The following IFT172 variants were observed in gnomAD, a reference collection of about 807,000 sequenced individuals.
IFT172 encodes the protein intraflagellar transport protein 172 homolog.
IFT172 carries 164 observed loss-of-function variants against 248.9 expected under a neutral mutation model. That is an observed-to-expected ratio of 0.66 (90% confidence interval 0.58 to 0.75). The LOEUF is 0.75. Ranked by LOEUF, IFT172 falls within the 30% of genes least tolerant of loss-of-function variation. The pLI is 0.00. For missense variants in IFT172, 1,950 were observed against 2,192.4 expected, an observed-to-expected ratio of 0.89 and a Z score of 2.21; for synonymous variants, 729 against 791.6, an observed-to-expected ratio of 0.92 and a Z score of 1.33.
At chr2:27,477,347 T>C in intron 12 of IFT172, 27 bp from the exon 13 acceptor site, 1 of 1,589,622 alleles carries the variant, frequency 6.3e-7, no homozygotes, top group Non-Finnish European at 8.6e-7. Context: ...TGTTATACGG[T>C]GGAAAGGCTA....
chr2:27,485,078 G>A lies in IFT172; in HGVS notation c.236C>T (p.Thr79Ile), dbSNP rs1482208473. 4.3e-6 allele frequency: 7 copies of A among 1,610,672 alleles called. No individual in the cohort carries two copies. Among genetic ancestry groups the A allele is most frequent in the Non-Finnish European group, 2.5e-6 (3 of 1,177,628 alleles). ...VKGMAFSPDSTKIAIGQTDNI... is the reference protein window; with the variant it reads ...VKGMAFSPDSIKIAIGQTDNI... ...GTCAGTCTGTCCTATGGCAATTTTA[G>A]TGGAATCAGGAGAAAAAGCCATGCC... The change falls in exon 3 of 48, where the codon ACT becomes ATT. Residue 79 changes from threonine to isoleucine, a missense_variant. Around this residue, in one of 3 missense-constraint regions of IFT172, gnomAD observed 1,166 missense variants for 1,254.1 expected, o/e 0.93. Coordinates refer to ENST00000260570, the MANE Select transcript of IFT172 (RefSeq NM_015662.3).
At chr2:27,458,373 C>A (rs1666346711) in intron 26 of IFT172, 150 bp from the exon 27 acceptor site, 9 of 682,792 alleles carry the variant, frequency 1.3e-5, no homozygotes, top group South Asian at 1.0e-4. Context: ...TGGGGAATTC[C>A]AAGTCCATAA....
intron 26 of IFT172, among the ~76,000 whole-genome samples, chr2:27,458,432 C>T (rs1425709234): frequency 4.6e-5 from 7 of 152,204 alleles, no homozygotes; most frequent in Non-Finnish European, 1.0e-4. Flanking sequence ...GTCTGCGATG[C>T]CTTGGCTGGG....
chr2:27,472,455 G>A, intron 14 of IFT172, 93 bp from the exon 15 acceptor site: 1 of 939,360 alleles, frequency 1.1e-6, no homozygotes, highest in African/African-American at 1.6e-5. Context: ...TGCCTAGGAA[G>A]CTAGGTCTCT....
At chr2:27,462,963 G>T in intron 19 of IFT172, 134 bp downstream of exon 19, 1 of 1,168,702 alleles carries the variant, frequency 8.6e-7, no homozygotes, top group Non-Finnish European at 1.2e-6. Flanking sequence ...GAAATGGTCT[G>T]ACTTGAGGGT....
chr2:27,461,637 C>G (rs974726563), intron 21 of IFT172, 120 bp from the exon 22 acceptor site: 213 of 1,506,322 alleles, frequency 1.4e-4, no homozygotes, highest in Non-Finnish European at 1.9e-4. Flanking sequence ...ATCCTAACTC[C>G]TCACCACATC....
In IFT172 at chr2:27,461,246, C is replaced by T. The variant is rs758036328; in HGVS notation, c.2442+23G>A. 2.5e-6 allele frequency: 4 copies of T among 1,613,390 alleles called. No homozygotes were observed. The South Asian group carries it at 4.4e-5, about 18-fold the overall frequency. On this transcript the variant is annotated intron_variant, in intron 22 of 47. Coordinates refer to ENST00000260570, the MANE Select transcript of IFT172 (RefSeq NM_015662.3). ...GGGTCCTGAGCTCTGGAGATAAGGG[C>T]TAGGAAAAGGAAGCCAGCATACCCT...
chr2:27,485,245 G>C, intron 2 of IFT172, 115 bp from the exon 3 acceptor site: 2 of 1,534,370 alleles, frequency 1.3e-6, no homozygotes, highest in Non-Finnish European at 1.8e-6. Context: ...TTTATACTGA[G>C]AAAAAGGTGG....
In IFT172 at chr2:27,454,567, C is replaced by A; in HGVS notation, c.3465G>T (p.Glu1155Asp). The A allele has an allele frequency of 6.2e-7, 1 of 1,614,022 alleles. No individual in the cohort carries two copies. ...HLKYAMFLED[E>D]GKFEEAEAEF... ...GTCGGGGTCCAAATCACACCCATAC[C>A]TCATCCTCCAGGAACATAGCATATT... The change falls in exon 31 of 48, where the codon GAG becomes GAT. Residue 1155 changes from glutamate (E) to aspartate (D), a missense_variant and splice_region_variant. Around this residue, in one of 3 missense-constraint regions of IFT172, gnomAD observed 164 missense variants for 239.3 expected, o/e 0.69. Transcript: ENST00000260570. The surrounding 1 kb of genome is among the most constrained non-coding windows in gnomAD (Gnocchi z 4.2).
chr2:27,458,032 T>C (rs1381405912), intron 27 of IFT172, 56 bp from the exon 28 acceptor site: 10 of 1,613,248 alleles, frequency 6.2e-6, no homozygotes, highest in African/African-American at 5.3e-5. Context: ...TATCACTGCC[T>C]TCTGGGCAGA....
chr2:27,453,750 T>TA lies in IFT172; in HGVS notation c.3712-12_3712-11insT. ...CCATAATCCAGCCTCCTGCTCAGATTTCCAGGTATCAAGAGGGCAGAGGCA... is the reference window on the plus strand; with the variant it reads ...CCATAATCCAGCCTCCTGCTCAGATTATCCAGGTATCAAGAGGGCAGAGGCA... On this transcript the variant is annotated splice_polypyrimidine_tract_variant and intron_variant, in intron 33 of 47. Coordinates refer to ENST00000260570, the MANE Select transcript of IFT172 (RefSeq NM_015662.3). 6.2e-7 allele frequency: 1 copy of TA among 1,609,146 alleles called. No individual in the cohort carries two copies. Among genetic ancestry groups the TA allele is most frequent in the Non-Finnish European group, 8.5e-7 (1 of 1,178,502 alleles).
Position 27,461,433 on chromosome 2 carries a change from G to A in IFT172, c.2278C>T (p.Gln760Ter). The A allele has an allele frequency of 1.2e-6, 2 of 1,614,156 alleles. No individual in the cohort carries two copies. Among genetic ancestry groups the A allele is most frequent in the Non-Finnish European group, 1.7e-6 (2 of 1,180,010 alleles). Residue 760 changes from glutamine to a stop codon, truncating the protein, a stop_gained, in exon 22 of 48, where the codon CAG (glutamine) becomes TAG (stop). Transcript: ENST00000260570. LOFTEE classifies it high-confidence loss of function. ...TQQEERAGEL[Q>*]ESQGDGLAAI... ...GCTAGCCCATCCCCTTGGCTCTCCT[G>A]TAGTTCACCTGCTCGCTCCTCTTGC...
At chr2:27,461,623 C>T in intron 21 of IFT172, 106 bp from the exon 22 acceptor site, 8 of 1,506,788 alleles carry the variant, frequency 5.3e-6, no homozygotes, top group Non-Finnish European at 7.3e-6. Flanking sequence ...CCTGGGTCAG[C>T]AGTATCCTAA....
rs587777087 is a variant in IFT172, at chr2:27,453,428, G to A, written c.3907C>T (p.Arg1303Ter). Residue 1303 changes from arginine (R) to a stop codon, truncating the protein, a stop_gained, in exon 35 of 48, where the codon CGA (arginine) becomes TGA (stop). Coordinates refer to ENST00000260570, the MANE Select transcript of IFT172 (RefSeq NM_015662.3). LOFTEE classifies it high-confidence loss of function. ...SRAVDCYLKVRDSGNSGLAEK... is the reference protein window; with the variant it reads ...SRAVDCYLKV The stretch of plus-strand genomic sequence containing the variant: ...GCCAGGCCGCTGTTTCCAGAGTCTC[G>A]CACTTTGAGGTAGCAGTCCACGGCA... 9.9e-6 allele frequency: 16 copies of A among 1,614,164 alleles called. No individual in the cohort carries two copies. Among genetic ancestry groups the A allele is most frequent in the Middle Eastern group, 1.6e-4 (1 of 6,062 alleles).
chr2:27,469,170 G>C (rs376669029), intron 16 of IFT172, among the ~76,000 whole-genome samples: 1 of 152,098 alleles, frequency 6.6e-6, no homozygotes, highest in Non-Finnish European at 1.5e-5. Flanking sequence ...GACGGAGGCG[G>C]ATCACTTGAG....
At chr2:27,449,179 A>T in intron 39 of IFT172, 115 bp downstream of exon 39, 1 of 1,352,666 alleles carries the variant, frequency 7.4e-7, no homozygotes, top group East Asian at 2.3e-5. Context: ...TCTGATGCCC[A>T]TTAGAAATCT....
intron 7 of IFT172, among the ~76,000 whole-genome samples, chr2:27,481,538 CTTTTT>C (rs1022718881): frequency 1.3e-5 from 2 of 149,862 alleles, no homozygotes; most frequent in Non-Finnish European, 3.0e-5. Context: ...TTGGAATTTT[CTTTTT>C]TCTTTTTTTT....
chr2:27,485,174 G>A (rs1388057081), intron 2 of IFT172, 44 bp from the exon 3 acceptor site: 2 of 1,435,596 alleles, frequency 1.4e-6, no homozygotes, highest in Non-Finnish European at 1.9e-6. Flanking sequence ...GAAGTAATGA[G>A]TACACATGAA....
rs1168227209 is a variant in IFT172, at chr2:27,465,853, C to A, written c.1722G>T (p.Gly574=). 1 of 1,614,070 alleles carries A rather than the reference C, an allele frequency of 6.2e-7. No individual in the cohort carries two copies. Among genetic ancestry groups the A allele is most frequent in the South Asian group, 1.1e-5 (1 of 91,076 alleles). Residue 574 remains glycine, a synonymous_variant, in exon 17 of 48, where the codon GGG becomes GGT. Transcript: ENST00000260570. ...CCATCACCATCACCTCGGTCTTTCC[C>A]CCGCCCCGCTCCAGACCTATAACAT... The part of the protein sequence containing the change: ...RGDVIGLERG[G]GKTEVMVMEG...
Sources: allele counts gnomAD v4.1 joint callset (sites outside exome capture counted in the v4.1 genomes callset), GRCh38; gene constraint gnomAD v4.1.1; regional missense constraint gnomAD v4.1.1; non-coding constraint Gnocchi (gnomAD v3.1); transcripts MANE v1.5; gene names NCBI Gene and HGNC (gene_info 2026-07-23, HGNC 2026-07-21).